LTF: variants seen among roughly 807,000 people sequenced by gnomAD.
LTF encodes epididymis luminal protein 110.
Under a neutral mutation model 87.2 loss-of-function variants are expected in LTF, and 91 were observed. The ratio of observed to expected loss-of-function variants is 1.04; its 90% CI spans 0.88 to 1.24. LTF has a LOEUF of 1.24. Ranked by LOEUF, LTF falls within the 50% of genes most tolerant of loss-of-function variation. The pLI is 0.00. For synonymous variants in LTF, 378 were observed against 356.1 expected (o/e 1.06, Z -0.69); for missense variants, 901 against 904.3 (o/e 1.00, Z 0.05).
chr3:46,482,636 GA>G (rs1329874317), intron 1 of LTF, among the ~76,000 whole-genome samples: 11 of 83,304 alleles, frequency 1.3e-4, no homozygotes, highest in South Asian at 9.8e-4. Flanking sequence ...AAGAAAGAAA[GA>G]AAGAAAGAAA....
At chr3:46,482,722 GAA>G (rs1233275273) in intron 1 of LTF, among the ~76,000 whole-genome samples, 3 of 102,518 alleles carry the variant, frequency 2.9e-5, no homozygotes, top group African/African-American at 1.1e-4. Flanking sequence ...GAAAGAGAAA[GAA>G]AGGAAGGAAG....
intron 1 of LTF, chr3:46,463,671 C>T (rs1043140262): frequency 3.0e-6 from 3 of 985,134 alleles, no homozygotes; most frequent in Admixed American, 1.2e-4. Flanking sequence ...GAATCCTGGA[C>T]CACAGCCCAT....
chr3:46,445,030 C>G (rs1316115984), intron 12 of LTF, among the ~76,000 whole-genome samples: 1 of 152,148 alleles, frequency 6.6e-6, no homozygotes, highest in Non-Finnish European at 1.5e-5. Flanking sequence ...TAGGGTGCAG[C>G]GAAATAGGCA....
chr3:46,436,406 A>C (rs1348972370), intron 16 of LTF, among the ~76,000 whole-genome samples, 177 bp from the exon 17 acceptor site: 1 of 152,210 alleles, frequency 6.6e-6, no homozygotes, highest in Non-Finnish European at 1.5e-5. Context: ...ACGGTGTTCA[A>C]GGGAGCCAGA....
chr3:46,451,788 T>G (rs1336021395), intron 6 of LTF, among the ~76,000 whole-genome samples: 1 of 151,890 alleles, frequency 6.6e-6, no homozygotes, highest in Non-Finnish European at 1.5e-5. Flanking sequence ...AGAGATGGGG[T>G]TTCACCATGT....
At position 46,443,545 on chromosome 3, in the gene LTF, G is replaced by A. The variant is rs1015837504; in HGVS notation, c.1551C>T (p.Asp517=). ...ACAGAGCACAGAGATTAGATCTCGG[G>A]TCAGACCCAGGGGCACAGCTTTGAC... ...YFSQSCAPGS[D]PRSNLCALCI... is the part of the protein sequence containing the mutation. The change falls in exon 13 of 17, where the codon GAC becomes GAT. Residue 517 remains aspartate, a synonymous_variant. Coordinates refer to ENST00000231751, the MANE Select transcript of LTF (RefSeq NM_002343.6). 1.9e-6 allele frequency: 3 copies of A among 1,613,610 alleles called. No individual in the cohort carries two copies. Among genetic ancestry groups the A allele is most frequent in the African/African-American group, 2.7e-5 (2 of 74,720 alleles).
intron 15 of LTF, among the ~76,000 whole-genome samples, chr3:46,438,339 G>A (rs3213480): frequency 0.52 from 79,343 of 151,926 alleles, 22,923 homozygotes; most frequent in South Asian, 0.84. Context: ...TCCAGGCCTC[G>A]CACCACTTCT....
upstream of LTF, among the ~76,000 whole-genome samples, chr3:46,468,021 C>T (rs993287569): frequency 6.6e-6 from 1 of 152,192 alleles, no homozygotes; most frequent in African/African-American, 2.4e-5. Context: ...ACCAAACCCA[C>T]CAAAGAGCCG....
chr3:46,441,597 G>T, intron 13 of LTF, 114 bp from the exon 14 acceptor site: 1 of 754,054 alleles, frequency 1.3e-6, no homozygotes, highest in South Asian at 1.7e-5. Flanking sequence ...ACATCTAAAA[G>T]ACAACTATTT....
intron 6 of LTF, among the ~76,000 whole-genome samples, chr3:46,452,882 T>C (rs1310444520): frequency 6.6e-6 from 1 of 152,208 alleles, no homozygotes; most frequent in Non-Finnish European, 1.5e-5. Context: ...AGGAAGGGGA[T>C]CTTCAAATCT....
At position 46,463,427 on chromosome 3, in the gene LTF, C is replaced by T. The variant is rs1279967580; in HGVS notation, c.43+1398G>A. The T allele has an allele frequency of 1.0e-5, 10 of 981,918 alleles. No individual in the cohort carries two copies. In the East Asian group the frequency reaches 1.1e-3, roughly 112 times the overall value. The allele number at this position is 981,918 out of a possible 1,614,324, so 60.8% of individuals were successfully genotyped here. On this transcript the variant is annotated intron_variant, in intron 1 of 16. Transcript: ENST00000231751. ...ACCCAATGCTCACACGGCTTAGATC[C>T]AGCTGGCCCCACTCACCCAACTTCT...
intron 1 of LTF, among the ~76,000 whole-genome samples, chr3:46,463,968 G>A (rs967412838): frequency 2.0e-5 from 3 of 152,186 alleles, no homozygotes; most frequent in African/African-American, 4.8e-5. Flanking sequence ...GGTAGATGCC[G>A]TAAGACAAGT....
chr3:46,455,268 T>C (rs1332836528), intron 5 of LTF, 27 bp downstream of exon 5: 6 of 1,613,844 alleles, frequency 3.7e-6, no homozygotes, highest in Non-Finnish European at 5.1e-6. Flanking sequence ...ACTTGGCCAC[T>C]GACGAGAAGG....
intron 1 of LTF, chr3:46,460,467 G>T: frequency 2.3e-6 from 1 of 433,986 alleles, no homozygotes; most frequent in South Asian, 1.7e-5. Flanking sequence ...CTCCTGTTGA[G>T]CCTGCTTTTT....
chr3:46,475,152 G>A (rs1362082856), intron 1 of LTF, among the ~76,000 whole-genome samples: 1 of 152,096 alleles, frequency 6.6e-6, no homozygotes, highest in Non-Finnish European at 1.5e-5. Context: ...ACTACTAAAA[G>A]ATCTCTACAC....
Position 46,459,971 on chromosome 3 carries a change from G to A in LTF, c.44-152C>T, listed in dbSNP as rs138972161. 1.5e-3 allele frequency: 740 copies of A among 500,054 alleles called. 9 individuals carry two copies. Among genetic ancestry groups the A allele is most frequent in the African/African-American group, 0.014 (685 of 49,424 alleles). 31.0% of individuals were successfully genotyped at this position (500,054 alleles called of 1,614,324 possible). On this transcript the variant is annotated intron_variant, in intron 1 of 16. Coordinates refer to ENST00000231751, the MANE Select transcript of LTF (RefSeq NM_002343.6). ...GGCTATGTCCAGCCATTCTCCACAAGTGGAGGCATCTTGCTGGACTAATAG... is the reference window on the plus strand; with the variant it reads ...GGCTATGTCCAGCCATTCTCCACAAATGGAGGCATCTTGCTGGACTAATAG...
chr3:46,435,939 T>C lies in LTF; in HGVS notation c.*256A>G. ...AAAAACTTGGAAGGGAAGGTCCAAC[T>C]GTACAGGTATTTTGTCAGGCATGTG... On this transcript the variant is annotated 3_prime_UTR_variant, in exon 17 of 17. Transcript: ENST00000231751. 1.9e-6 allele frequency: 1 copy of C among 515,512 alleles called. No individual in the cohort carries two copies. Among genetic ancestry groups the C allele is most frequent in the Non-Finnish European group, 3.5e-6 (1 of 288,118 alleles). 31.9% of individuals were successfully genotyped at this position (515,512 alleles called of 1,614,324 possible).
chr3:46,471,316 C>T (rs1703283140), intron 1 of LTF, among the ~76,000 whole-genome samples: 1 of 152,218 alleles, frequency 6.6e-6, no homozygotes, highest in South Asian at 2.1e-4. Context: ...CCTTCTCCCT[C>T]TCTATCTCTC....
At chr3:46,484,454 T>C (rs1461755523) in intron 1 of LTF, among the ~76,000 whole-genome samples, 7 of 152,136 alleles carry the variant, frequency 4.6e-5, no homozygotes, top group Non-Finnish European at 1.0e-4. Context: ...AAGATGAAAC[T>C]GAGGTTCCCT....
Sources: allele counts gnomAD v4.1 joint callset (sites outside exome capture counted in the v4.1 genomes callset), GRCh38; gene constraint gnomAD v4.1.1; transcripts MANE v1.5; gene names NCBI Gene and HGNC (gene_info 2026-07-23, HGNC 2026-07-21).